SGCZ: variants seen among roughly 807,000 people sequenced by gnomAD.
SGCZ encodes sarcoglycan zeta, also known as zeta-sarcoglycan.
Under a neutral mutation model 41.3 loss-of-function variants are expected in SGCZ, and 40 were observed. The observed-to-expected ratio is 0.97, with a 90% confidence interval of 0.75 to 1.26. The LOEUF is 1.26. SGCZ is among the 50% of genes most tolerant of loss of function. The pLI is 0.00. For synonymous variants in SGCZ, 206 were observed against 137.5 expected, an observed-to-expected ratio of 1.50 and a Z score of -3.49; for missense variants, 552 against 369.8, an observed-to-expected ratio of 1.49 and a Z score of -4.04.
At chr8:14,618,003 T>A (rs955050957) in intron 1 of SGCZ, among the ~76,000 whole-genome samples, 9 of 152,028 alleles carry the variant, frequency 5.9e-5, no homozygotes, top group South Asian at 2.1e-4. Context: ...AGAGACCTCT[T>A]TGAGTTTCCA....
intron 1 of SGCZ, among the ~76,000 whole-genome samples, chr8:14,668,585 C>T (rs542189360): frequency 6.6e-6 from 1 of 152,192 alleles, no homozygotes; most frequent in African/African-American, 2.4e-5. Context: ...GTTTTAACTA[C>T]TCTTTCCTCT....
chr8:14,152,164 T>C (rs1803729357), intron 5 of SGCZ, among the ~76,000 whole-genome samples: 1 of 146,398 alleles, frequency 6.8e-6, no homozygotes, highest in African/African-American at 2.4e-5. Flanking sequence ...GGATAAAATA[T>C]TTGCAAACTT....
intron 1 of SGCZ, among the ~76,000 whole-genome samples, chr8:14,747,732 T>TGA (rs1338944940): frequency 1.4e-5 from 2 of 146,462 alleles, no homozygotes; most frequent in African/African-American, 5.0e-5. Flanking sequence ...TGTGTGTGTG[T>TGA]GAGACTGAGT....
intron 1 of SGCZ, among the ~76,000 whole-genome samples, chr8:14,987,894 C>T (rs762240377): frequency 6.6e-6 from 1 of 151,826 alleles, no homozygotes; most frequent in Non-Finnish European, 1.5e-5. Context: ...TAATTTGCTC[C>T]CAAACTTTCA....
chr8:14,686,687 G>A (rs537682880), intron 1 of SGCZ, among the ~76,000 whole-genome samples: 3 of 152,050 alleles, frequency 2.0e-5, no homozygotes, highest in Admixed American at 2.0e-4. Context: ...CTGAAATTGT[G>A]GACACAAGGA....
intron 2 of SGCZ, among the ~76,000 whole-genome samples, chr8:14,542,668 A>G (rs1253197771): frequency 6.6e-6 from 1 of 152,114 alleles, no homozygotes; most frequent in East Asian, 1.9e-4. Flanking sequence ...CATAGTTTTA[A>G]AAGCTACTAC....
At chr8:15,036,424 G>A (rs933235100) in intron 1 of SGCZ, among the ~76,000 whole-genome samples, 1 of 152,030 alleles carries the variant, frequency 6.6e-6, no homozygotes, top group Non-Finnish European at 1.5e-5. Context: ...GTTGGAGGAG[G>A]GAGAGGATGA....
At chr8:15,158,946 T>C (rs889692859) in intron 1 of SGCZ, among the ~76,000 whole-genome samples, 3 of 152,324 alleles carry the variant, frequency 2.0e-5, no homozygotes, top group Admixed American at 2.0e-4. Flanking sequence ...TGTTTCCTGA[T>C]ATACAACTCC....
intron 1 of SGCZ, among the ~76,000 whole-genome samples, chr8:14,733,246 A>C (rs1798925784): frequency 6.6e-6 from 1 of 152,160 alleles, no homozygotes. Flanking sequence ...AGATCCCACC[A>C]AAAGTATTCA....
chr8:14,815,659 A>T (rs7829831), intron 1 of SGCZ, among the ~76,000 whole-genome samples: 1 of 152,194 alleles, frequency 6.6e-6, no homozygotes, highest in African/African-American at 2.4e-5. Flanking sequence ...CTACTATGTC[A>T]TTATCAAGGT....
At chr8:14,558,874 A>C (rs903665736) in intron 1 of SGCZ, among the ~76,000 whole-genome samples, 10 of 152,102 alleles carry the variant, frequency 6.6e-5, no homozygotes, top group Non-Finnish European at 7.4e-5. Context: ...AATCAGAAAC[A>C]AAAATCACAT....
chr8:14,432,049 T>G (rs1799957344), intron 2 of SGCZ, among the ~76,000 whole-genome samples: 1 of 152,134 alleles, frequency 6.6e-6, no homozygotes, highest in South Asian at 2.1e-4. Context: ...GGTATGGATG[T>G]GGTGAACAGG....
At chr8:14,227,616 G>A (rs914407851) in intron 4 of SGCZ, among the ~76,000 whole-genome samples, 2 of 152,034 alleles carry the variant, frequency 1.3e-5, no homozygotes, top group African/African-American at 4.8e-5. Flanking sequence ...TTTAACCAAA[G>A]AATGCTGATT....
chr8:14,177,920 G>A (rs1428610384), intron 4 of SGCZ, among the ~76,000 whole-genome samples: 3 of 119,588 alleles, frequency 2.5e-5, no homozygotes, highest in Non-Finnish European at 5.6e-5. Flanking sequence ...GCCACTTGGA[G>A]ATTTTATTTT....
At chr8:14,997,867 G>A (rs906137800) in intron 1 of SGCZ, among the ~76,000 whole-genome samples, 1 of 152,106 alleles carries the variant, frequency 6.6e-6, no homozygotes, top group Non-Finnish European at 1.5e-5. Flanking sequence ...GGCTGAGACA[G>A]GAGAATTGCT....
intron 1 of SGCZ, among the ~76,000 whole-genome samples, chr8:14,928,089 G>A (rs1213366175): frequency 1.3e-5 from 2 of 152,114 alleles, no homozygotes; most frequent in African/African-American, 4.8e-5. Context: ...TTCCTAACTG[G>A]CTTGTCACTC....
intron 1 of SGCZ, among the ~76,000 whole-genome samples, chr8:14,724,688 G>GAT (rs143980961): frequency 0.3 from 45,318 of 148,638 alleles, 7,245 homozygotes; most frequent in East Asian, 0.42. Flanking sequence ...ATCACTAAGT[G>GAT]ATATATATAT....
chr8:14,477,072 C>T (rs1365353143), intron 2 of SGCZ, among the ~76,000 whole-genome samples: 1 of 152,184 alleles, frequency 6.6e-6, no homozygotes, highest in African/African-American at 2.4e-5. Context: ...TAATTAAACC[C>T]TACTTATTCT....
intron 1 of SGCZ, among the ~76,000 whole-genome samples, chr8:15,166,067 A>C (rs1403166255): frequency 6.6e-6 from 1 of 152,176 alleles, no homozygotes; most frequent in Non-Finnish European, 1.5e-5. Flanking sequence ...TAAACCTCGA[A>C]CATTTAATAG....
Sources: allele counts gnomAD v4.1 joint callset (sites outside exome capture counted in the v4.1 genomes callset), GRCh38; gene constraint gnomAD v4.1.1; transcripts MANE v1.5; gene names NCBI Gene and HGNC (gene_info 2026-07-23, HGNC 2026-07-21).